MACROD2: variants seen among roughly 807,000 people sequenced by gnomAD.
MACROD2 encodes mono-ADP ribosylhydrolase 2, also known as ADP-ribose glycohydrolase MACROD2.
Under a neutral mutation model 70.4 loss-of-function variants are expected in MACROD2, and 36 were observed. The observed-to-expected ratio is 0.51, with a 90% CI of 0.39 to 0.68. The LOEUF (loss-of-function observed/expected upper bound fraction) is 0.68, where lower values mean the gene tolerates loss of function less well. Among genes scored for constraint, MACROD2 ranks in the 30% least tolerant of loss-of-function variants. The probability of loss-of-function intolerance (pLI) is 0.00; values close to 1 mark genes in which losing one functional copy is unlikely to be tolerated. For synonymous variants in MACROD2, 172 were observed against 178.8 expected (o/e 0.96, Z 0.30); for missense variants, 496 against 538.4 (o/e 0.92, Z 0.78).
At chr20:14,770,406 T>A (rs946517611) in intron 5 of MACROD2, among the ~76,000 whole-genome samples, 1 of 152,026 alleles carries the variant, frequency 6.6e-6, no homozygotes, top group Non-Finnish European at 1.5e-5. Flanking sequence ...TTAGCTTTGG[T>A]AAAAATAAAC....
At chr20:14,632,884 T>C (rs565478744) in intron 4 of MACROD2, among the ~76,000 whole-genome samples, 3 of 152,238 alleles carry the variant, frequency 2.0e-5, no homozygotes, top group Non-Finnish European at 2.9e-5. Context: ...AGTTCTCATT[T>C]AAGTGGTAGA....
At chr20:14,588,441 T>C (rs1453832575) in intron 4 of MACROD2, among the ~76,000 whole-genome samples, 1 of 152,202 alleles carries the variant, frequency 6.6e-6, no homozygotes, top group Non-Finnish European at 1.5e-5. Context: ...ACAGCTTTAC[T>C]TTTATAATTA....
chr20:15,524,390 C>T (rs1469197952), intron 8 of MACROD2, among the ~76,000 whole-genome samples: 1 of 152,016 alleles, frequency 6.6e-6, no homozygotes, highest in Non-Finnish European at 1.5e-5. Context: ...GAAGGATTAG[C>T]CAGGGTTGCC....
At chr20:15,956,263 A>G (rs1171082308) in intron 12 of MACROD2, among the ~76,000 whole-genome samples, 1 of 152,232 alleles carries the variant, frequency 6.6e-6, no homozygotes, top group Non-Finnish European at 1.5e-5. Flanking sequence ...CAGTAATGAT[A>G]TGACCTGAGC....
At chr20:14,316,443 G>C (rs923722672) in intron 3 of MACROD2, among the ~76,000 whole-genome samples, 1 of 152,184 alleles carries the variant, frequency 6.6e-6, no homozygotes, top group Non-Finnish European at 1.5e-5. Context: ...AAGTATTTCT[G>C]GTCAGTGTTT....
chr20:14,368,054 T>C (rs204640), intron 3 of MACROD2, among the ~76,000 whole-genome samples: 100,811 of 152,036 alleles, frequency 0.66, 34,150 homozygotes, highest in Non-Finnish European at 0.73. Flanking sequence ...TATAATTTCT[T>C]TATCTTTACT....
At position 15,812,403 on chromosome 20, in the gene MACROD2, A is replaced by C. The variant is rs1027960166; in HGVS notation, c.646-50342A>C. 2.4e-4 allele frequency among the ~76,000 whole-genome samples: 36 copies of C among 152,204 alleles called. 1 individual carries two copies. The highest frequency in any genetic ancestry group is 2.0e-4 in the Admixed American group (3 of 15,278). ...TACTTTGAATAAATATGGAGGACGG[A>C]CATGCACAATAAACTGACATGCTCC... On this transcript the variant is annotated intron_variant, in intron 8 of 17. Transcript: ENST00000684519.
intron 8 of MACROD2, among the ~76,000 whole-genome samples, chr20:15,826,515 T>A (rs1244322556): frequency 6.6e-6 from 1 of 152,260 alleles, no homozygotes; most frequent in Non-Finnish European, 1.5e-5. Context: ...AAGCTTTTTT[T>A]AAGCTTTTGA....
intron 12 of MACROD2, among the ~76,000 whole-genome samples, chr20:15,963,438 A>G (rs1343214520): frequency 6.6e-6 from 1 of 152,106 alleles, no homozygotes; most frequent in Non-Finnish European, 1.5e-5. Context: ...TTAGTTTTAT[A>G]CTTTATATTC....
At chr20:14,187,789 A>G (rs551998639) in intron 3 of MACROD2, among the ~76,000 whole-genome samples, 1 of 152,224 alleles carries the variant, frequency 6.6e-6, no homozygotes, top group Admixed American at 6.5e-5. Flanking sequence ...TGCTCAGCCT[A>G]TCTGTTGGGA....
intron 5 of MACROD2, among the ~76,000 whole-genome samples, chr20:15,111,198 A>T (rs1460364142): frequency 2.1e-5 from 3 of 140,230 alleles, no homozygotes; most frequent in Non-Finnish European, 3.0e-5. Context: ...TTTGCGACGG[A>T]GTCTCACTCT....
At chr20:14,340,950 A>G (rs2083006664) in intron 3 of MACROD2, among the ~76,000 whole-genome samples, 2 of 152,198 alleles carry the variant, frequency 1.3e-5, no homozygotes, top group African/African-American at 4.8e-5. Context: ...TCTGCCATTT[A>G]CTTGTATATC....
chr20:15,031,541 T>G (rs1298983429), intron 5 of MACROD2, among the ~76,000 whole-genome samples: 1 of 152,134 alleles, frequency 6.6e-6, no homozygotes, highest in African/African-American at 2.4e-5. Context: ...CAGGTCGTCC[T>G]GATAAGCGGC....
At chr20:14,182,847 G>A (rs180710742) in intron 3 of MACROD2, among the ~76,000 whole-genome samples, 1 of 151,824 alleles carries the variant, frequency 6.6e-6, no homozygotes, top group Non-Finnish European at 1.5e-5. Flanking sequence ...TCTTTTCCAG[G>A]CCTTTTGCTT....
chr20:16,038,295 A>T (rs915479731), intron 15 of MACROD2, among the ~76,000 whole-genome samples: 3 of 151,900 alleles, frequency 2.0e-5, no homozygotes, highest in Admixed American at 6.6e-5. Flanking sequence ...GATATCTGAT[A>T]TCTTTCATTA....
intron 5 of MACROD2, among the ~76,000 whole-genome samples, chr20:14,876,828 G>A (rs924059545): frequency 4.6e-5 from 7 of 152,224 alleles, no homozygotes; most frequent in African/African-American, 1.7e-4. Context: ...CTATGCATCT[G>A]TTTTTGTACC....
chr20:15,935,763 T>C (rs749979337), intron 11 of MACROD2, among the ~76,000 whole-genome samples: 11 of 152,170 alleles, frequency 7.2e-5, no homozygotes, highest in Non-Finnish European at 1.3e-4. Flanking sequence ...AAAAACAACA[T>C]CTCTGTTTCT....
chr20:14,351,644 T>C (rs1008535560), intron 3 of MACROD2, among the ~76,000 whole-genome samples: 4 of 152,198 alleles, frequency 2.6e-5, no homozygotes. Context: ...TGGTGGAGTG[T>C]TTATGTTTTT....
At position 16,000,779 on chromosome 20, in the gene MACROD2, A is replaced by C. The variant is rs76186768; in HGVS notation, c.1153+13621A>C. Among the ~76,000 whole-genome samples, 1,312 of 152,350 alleles carry C rather than the reference A, an allele frequency of 8.6e-3. 46 individuals are homozygous for C. The East Asian group carries it at 0.098, about 11-fold the overall frequency. ...GAAAGACCATTTCAGTGACAGAACA[A>C]GTGCAAGTCTAATCTATAATGTATG... On this transcript the variant is annotated intron_variant, in intron 15 of 17. Transcript: ENST00000684519.
Sources: gnomAD v4.1 joint callset for allele counts (sites outside exome capture counted in the v4.1 genomes callset) on GRCh38, gnomAD v4.1.1 for gene constraint, MANE v1.5 for transcripts, NCBI Gene and HGNC (gene_info 2026-07-23, HGNC 2026-07-21) for gene names.